The following RBPJ variants were observed in gnomAD, a reference collection of about 807,000 sequenced individuals.
The protein encoded by RBPJ is recombining binding protein suppressor of hairless.
Under a neutral mutation model 67.8 loss-of-function variants are expected in RBPJ, and 9 were observed. The ratio of observed to expected loss-of-function variants is 0.13; its 90% CI spans 0.08 to 0.23. The LOEUF (loss-of-function observed/expected upper bound fraction) is 0.23. Among genes scored for constraint, RBPJ ranks in the 10% least tolerant of loss-of-function variants. The pLI is 1.00. For missense variants in RBPJ, 305 were observed against 595.6 expected (o/e 0.51, Z 5.08); for synonymous variants, 198 against 203.3 (o/e 0.97, Z 0.22).
the RBPJ span, among the ~76,000 whole-genome samples, chr4:26,139,369 G>A: frequency 2.6e-5 from 4 of 152,274 alleles, no homozygotes; most frequent in African/African-American, 9.6e-5. Flanking sequence ...CGAGGGACCA[G>A]TGGGTTGGGT....
intron 1 of RBPJ, among the ~76,000 whole-genome samples, chr4:26,349,181 C>A (rs1025888374): frequency 4.6e-5 from 7 of 152,070 alleles, no homozygotes; most frequent in African/African-American, 1.7e-4. Context: ...CATCCTCCCA[C>A]CTCACCCTCC....
chr4:26,287,263 G>C (rs779951608), intron 1 of RBPJ, among the ~76,000 whole-genome samples: 21 of 151,874 alleles, frequency 1.4e-4, no homozygotes, highest in Non-Finnish European at 1.8e-4. Flanking sequence ...GAAAAGATTG[G>C]GCACAGTGGT....
upstream of RBPJ, chr4:26,319,983 G>T: frequency 8.8e-7 from 1 of 1,139,362 alleles, no homozygotes; most frequent in Non-Finnish European, 1.3e-6. Flanking sequence ...CAGGCCGCCT[G>T]AAGCGCGATT....
intron 1 of RBPJ, among the ~76,000 whole-genome samples, chr4:26,215,750 T>G (rs1260922351): frequency 6.6e-6 from 1 of 151,750 alleles, no homozygotes; most frequent in African/African-American, 2.4e-5. Flanking sequence ...AAATTGGAGG[T>G]GCCTCTAGAA....
At chr4:26,112,709 A>AT in the RBPJ span, 1 of 147,250 alleles carries the variant, frequency 6.8e-6, no homozygotes, top group Non-Finnish European at 1.5e-5. Context: ...TTCTGTATTG[A>AT]TTTTAGATTT....
At chr4:26,280,402 A>G (rs1721233883) in intron 1 of RBPJ, among the ~76,000 whole-genome samples, 1 of 151,120 alleles carries the variant, frequency 6.6e-6, no homozygotes, top group Admixed American at 6.6e-5. Flanking sequence ...TCTCAAAAAA[A>G]AAAAAAAAAA....
At chr4:26,318,944 C>T (rs1722762577), upstream of RBPJ, among the ~76,000 whole-genome samples, 1 of 144,206 alleles carries the variant, frequency 6.9e-6, no homozygotes, top group Middle Eastern at 3.5e-3. Context: ...TTGCAGTGAG[C>T]CGAGATCGCG....
At chr4:26,335,721 C>T (rs564754296) in intron 1 of RBPJ, among the ~76,000 whole-genome samples, 2 of 145,450 alleles carry the variant, frequency 1.4e-5, no homozygotes, top group Middle Eastern at 3.8e-3. Context: ...CTGGGTTTTA[C>T]GCCATTCTCC....
chr4:26,175,100 A>G (rs2109122270), intron 1 of RBPJ, among the ~76,000 whole-genome samples: 1 of 152,200 alleles, frequency 6.6e-6, no homozygotes, highest in South Asian at 2.1e-4. Context: ...TAAAGGCACC[A>G]TTTTCTAATG....
intron 1 of RBPJ, among the ~76,000 whole-genome samples, chr4:26,270,436 A>AGAAAGAAC (rs1553855388): frequency 2.1e-5 from 1 of 48,240 alleles, no homozygotes. Context: ...AAAGAAAGAA[A>AGAAAGAAC]GAAGAAAGAA....
At chr4:26,409,267 G>C (rs549211381) in intron 3 of RBPJ, among the ~76,000 whole-genome samples, 11 of 151,984 alleles carry the variant, frequency 7.2e-5, no homozygotes, top group Non-Finnish European at 1.6e-4. Context: ...CTGTTTGTTA[G>C]TTACTGTTAA....
intron 1 of RBPJ, among the ~76,000 whole-genome samples, chr4:26,253,044 G>A (rs548199141): frequency 1.3e-5 from 2 of 152,140 alleles, no homozygotes; most frequent in Non-Finnish European, 2.9e-5. Context: ...TATCTTAGGG[G>A]TATTCAATGA....
At chr4:26,203,476 T>C (rs1577468381) in intron 1 of RBPJ, among the ~76,000 whole-genome samples, 1 of 152,198 alleles carries the variant, frequency 6.6e-6, no homozygotes, top group Non-Finnish European at 1.5e-5. Context: ...TCATGGCCTT[T>C]AGCATGATCT....
chr4:26,117,564 T>C, the RBPJ span, among the ~76,000 whole-genome samples: 1 of 152,270 alleles, frequency 6.6e-6, no homozygotes, highest in East Asian at 1.9e-4. Context: ...ATGAGTCAGA[T>C]TGACTTCATG....
chr4:26,258,014 A>G (rs1459701691), intron 1 of RBPJ, among the ~76,000 whole-genome samples: 1 of 152,232 alleles, frequency 6.6e-6, no homozygotes, highest in Non-Finnish European at 1.5e-5. Context: ...GAGTTAGATT[A>G]TTTCTGCAGA....
the RBPJ span, among the ~76,000 whole-genome samples, chr4:26,148,331 G>T: frequency 6.6e-6 from 1 of 152,230 alleles, no homozygotes; most frequent in African/African-American, 2.4e-5. Context: ...CAGGCAGGTG[G>T]CTATGAGTCT....
At chr4:26,341,631 A>C (rs1249389927) in intron 1 of RBPJ, among the ~76,000 whole-genome samples, 4 of 151,678 alleles carry the variant, frequency 2.6e-5, no homozygotes, top group Admixed American at 6.6e-5. Context: ...AACAAAACAA[A>C]ACAAAAAAAA....
intron 1 of RBPJ, among the ~76,000 whole-genome samples, chr4:26,284,709 G>A (rs553163459): frequency 1.1e-4 from 16 of 151,960 alleles, no homozygotes; most frequent in Admixed American, 2.0e-4. Flanking sequence ...CCTCAAATTC[G>A]TCCACCTCAG....
chr4:26,312,681 C>T (rs191798938), intron 1 of RBPJ, among the ~76,000 whole-genome samples: 4 of 152,176 alleles, frequency 2.6e-5, no homozygotes, highest in South Asian at 2.1e-4. Flanking sequence ...CATTGTACCC[C>T]CAAGCTGTTA....
Sources: allele counts gnomAD v4.1 joint callset (sites outside exome capture counted in the v4.1 genomes callset), GRCh38; gene constraint gnomAD v4.1.1; transcripts MANE v1.5; gene names NCBI Gene and HGNC (gene_info 2026-07-23, HGNC 2026-07-21).